Variants in TET1 observed in about 807,000 individuals in gnomAD.
TET1 encodes the protein tet methylcytosine dioxygenase 1, also known as methylcytosine dioxygenase TET1.
In TET1, 13 loss-of-function variants were observed where a neutral mutation model predicts 148.7. The ratio of observed to expected loss-of-function variants is 0.09; its 90% CI spans 0.06 to 0.14. The LOEUF (loss-of-function observed/expected upper bound fraction) is 0.14. Ranked by LOEUF, TET1 falls within the 10% of genes least tolerant of loss-of-function variation. The pLI, the probability that TET1 is intolerant of heterozygous loss-of-function variation, is 1.00. For missense variants in TET1, 2,182 were observed against 2,553.8 expected (o/e 0.85, Z 3.14); for synonymous variants, 907 against 937.2 (o/e 0.97, Z 0.59).
chr10:68,672,515 C>CAAAAAAAAAAAA (rs1207136905), intron 7 of TET1, among the ~76,000 whole-genome samples: 2 of 85,718 alleles, frequency 2.3e-5, no homozygotes, highest in Admixed American at 1.2e-4. Flanking sequence ...AAAAAAACAC[C>CAAAAAAAAAAAA]AAAAAAAAAA....
At chr10:68,595,596 C>T (rs999481477) in intron 2 of TET1, among the ~76,000 whole-genome samples, 2 of 137,700 alleles carry the variant, frequency 1.5e-5, no homozygotes, top group Admixed American at 7.5e-5. Context: ...CCACAACACA[C>T]ACACACACAC....
chr10:68,566,470 A>G (rs796903053), intron 1 of TET1, among the ~76,000 whole-genome samples: 1 of 151,262 alleles, frequency 6.6e-6, no homozygotes, highest in African/African-American at 2.4e-5. Context: ...CAAAGACTGA[A>G]TTACTGCAAG....
At chr10:68,589,710 C>A (rs2053898502) in intron 2 of TET1, among the ~76,000 whole-genome samples, 1 of 142,844 alleles carries the variant, frequency 7.0e-6, no homozygotes, top group Non-Finnish European at 1.5e-5. Flanking sequence ...CTCACTCTGT[C>A]ACCCAGGCTG....
chr10:68,676,157 T>TTG (rs112413582), intron 8 of TET1, among the ~76,000 whole-genome samples: 85,497 of 129,054 alleles, frequency 0.66, 28,677 homozygotes, highest in Middle Eastern at 0.78. Context: ...ACCTGGCCTT[T>TTG]TGTGTGTGTG....
chr10:68,586,068 G>T (rs1468599849), intron 2 of TET1, among the ~76,000 whole-genome samples: 1 of 151,910 alleles, frequency 6.6e-6, no homozygotes, highest in Non-Finnish European at 1.5e-5. Context: ...AGCTGCAGTG[G>T]CATGGTCATA....
At chr10:68,621,274 C>A (rs1589082992) in intron 3 of TET1, among the ~76,000 whole-genome samples, 1 of 152,236 alleles carries the variant, frequency 6.6e-6, no homozygotes, top group East Asian at 1.9e-4. Flanking sequence ...CGGAGTTTCA[C>A]TCTTGTTGCC....
chr10:68,670,933 T>C (rs1044437212), intron 7 of TET1, among the ~76,000 whole-genome samples: 6 of 152,282 alleles, frequency 3.9e-5, no homozygotes, highest in Middle Eastern at 3.4e-3. Flanking sequence ...AATCATTATA[T>C]AAGTACAATA....
At chr10:68,587,605 C>G (rs957623616) in intron 2 of TET1, among the ~76,000 whole-genome samples, 1 of 152,038 alleles carries the variant, frequency 6.6e-6, no homozygotes, top group Non-Finnish European at 1.5e-5. Flanking sequence ...GAACCAATAA[C>G]CTTTATTAAT....
At chr10:68,679,668 T>C (rs2055409916) in intron 8 of TET1, among the ~76,000 whole-genome samples, 1 of 152,136 alleles carries the variant, frequency 6.6e-6, no homozygotes, top group Non-Finnish European at 1.5e-5. Context: ...GGGTCATGAC[T>C]TTCCTGTTTT....
At chr10:68,670,257 T>G (rs1184653202) in intron 7 of TET1, among the ~76,000 whole-genome samples, 1 of 152,208 alleles carries the variant, frequency 6.6e-6, no homozygotes, top group African/African-American at 2.4e-5. Context: ...CTGTCCATGA[T>G]TGAATGCATT....
intron 6 of TET1, among the ~76,000 whole-genome samples, chr10:68,658,779 A>G (rs983802487): frequency 6.6e-6 from 1 of 152,180 alleles, no homozygotes; most frequent in Non-Finnish European, 1.5e-5. Context: ...GTTCAAGGAG[A>G]ATCACTTGAA....
chr10:68,583,906 C>CA lies in TET1; in HGVS notation c.1914+9664dup, dbSNP rs1039843979. On this transcript the variant is annotated intron_variant, in intron 2 of 11. Transcript: ENST00000373644. ...AGTCTGGCGACAGAGACTCTGTCTCCAAAAAAAAAAGACATGCTTATATTA... is the reference window on the plus strand; with the variant it reads ...AGTCTGGCGACAGAGACTCTGTCTCCAAAAAAAAAAAGACATGCTTATATTA... Among the ~76,000 whole-genome samples the CA allele has an allele frequency of 9.2e-3, 1,299 of 141,810 alleles. 19 individuals are homozygous for CA. Among genetic ancestry groups the CA allele is most frequent in the African/African-American group, 0.031 (1,195 of 38,724 alleles). 93.0% of individuals were successfully genotyped at this position (141,810 alleles called of 152,430 possible). A position where few individuals can be genotyped will look rare whatever the true frequency, so the allele number is the denominator to read the frequency against.
At chr10:68,685,754 C>T (rs1022306830) in intron 10 of TET1, among the ~76,000 whole-genome samples, 2 of 151,734 alleles carry the variant, frequency 1.3e-5, no homozygotes, top group African/African-American at 4.8e-5. Flanking sequence ...TATTTCATAT[C>T]CAAAGAAAGG....
chr10:68,673,091 T>C (rs771562463), intron 8 of TET1, 46 bp downstream of exon 8: 2 of 1,561,718 alleles, frequency 1.3e-6, no homozygotes, highest in East Asian at 2.2e-5. Context: ...GAATTACACA[T>C]TGAATATGTA....
rs979563917 is a variant in TET1, at chr10:68,659,019, G to A, written c.4461+6425G>A. Among the ~76,000 whole-genome samples the A allele has an allele frequency of 2.6e-5, 4 of 152,110 alleles. No individual in the cohort carries two copies. In the South Asian group the frequency reaches 6.2e-4, roughly 24 times the overall value. ...GATGCAGGCAGATCACTTGAGACCAGGAGTTCAAGACCAGGCTGGCCAACG... is the reference window on the plus strand; with the variant it reads ...GATGCAGGCAGATCACTTGAGACCAAGAGTTCAAGACCAGGCTGGCCAACG... On this transcript the variant is annotated intron_variant, in intron 6 of 11. Transcript: ENST00000373644.
In TET1 at chr10:68,560,458, G is replaced by A. The variant is rs967849858; in HGVS notation, c.-407G>A. The stretch of plus-strand genomic sequence containing the variant: ...GCAGCCGCTGGCCCCTCTACTCCCG[G>A]GTCTGCCCCCCGGGACACCCCTCTG... On this transcript the variant is annotated 5_prime_UTR_variant, in exon 1 of 12. Transcript: ENST00000373644. Among the ~76,000 whole-genome samples the A allele has an allele frequency of 1.3e-5, 2 of 152,208 alleles. No homozygotes were observed. The highest frequency in any genetic ancestry group is 4.8e-5 in the African/African-American group (2 of 41,456).
At chr10:68,563,332 C>A in intron 1 of TET1, among the ~76,000 whole-genome samples, 1 of 152,210 alleles carries the variant, frequency 6.6e-6, no homozygotes, top group East Asian at 1.9e-4. Flanking sequence ...GCCTGCTCTT[C>A]CTTTCGAGGT....
intron 8 of TET1, among the ~76,000 whole-genome samples, chr10:68,679,037 C>A (rs553960810): frequency 6.6e-6 from 1 of 151,840 alleles, no homozygotes; most frequent in East Asian, 1.9e-4. Context: ...ATTATCCGGG[C>A]GTGGTGGCTC....
At chr10:68,624,824 C>T (rs566729729) in intron 3 of TET1, among the ~76,000 whole-genome samples, 174 of 148,042 alleles carry the variant, frequency 1.2e-3, no homozygotes, top group African/African-American at 4.0e-3. Context: ...CTCCGCCTTC[C>T]GGGTTCACGC....
Sources: allele counts gnomAD v4.1 joint callset (sites outside exome capture counted in the v4.1 genomes callset), GRCh38; gene constraint gnomAD v4.1.1; transcripts MANE v1.5; gene names NCBI Gene and HGNC (gene_info 2026-07-23, HGNC 2026-07-21).